The following CSMD2 variants were observed in gnomAD, a reference collection of about 807,000 sequenced individuals.
CSMD2 encodes CUB and sushi domain-containing protein 2.
In CSMD2, 130 loss-of-function variants were observed where a neutral mutation model predicts 398.5. The observed-to-expected ratio is 0.33, with a 90% CI of 0.28 to 0.38. CSMD2 has a LOEUF of 0.38. Ranked by LOEUF, CSMD2 falls within the 10% of genes least tolerant of loss-of-function variation. The pLI is 1.00. For missense variants in CSMD2, 3,829 were observed against 4,764.9 expected (o/e 0.80, Z 5.78); for synonymous variants, 1,828 against 1,908.5 (o/e 0.96, Z 1.10).
intron 1 of CSMD2, among the ~76,000 whole-genome samples, chr1:34,108,461 A>G (rs1264617929): frequency 6.6e-6 from 1 of 152,176 alleles, no homozygotes; most frequent in Non-Finnish European, 1.5e-5. Context: ...GCTCTGATGC[A>G]GCTAGCCCAA....
intron 15 of CSMD2, among the ~76,000 whole-genome samples, chr1:33,736,474 G>A (rs1359582182): frequency 6.6e-6 from 1 of 150,866 alleles, no homozygotes; most frequent in Non-Finnish European, 1.5e-5. Flanking sequence ...GCAAGACTCC[G>A]TCTCAAAGAA....
intron 44 of CSMD2, chr1:33,600,650 G>A (rs920687743): frequency 3.0e-5 from 18 of 590,622 alleles, no homozygotes; most frequent in Non-Finnish European, 5.4e-5. Flanking sequence ...TGGCAGTGTG[G>A]AATAGGAGGA....
At chr1:33,618,045 AAAG>A (rs1299309900) in intron 37 of CSMD2, among the ~76,000 whole-genome samples, 1 of 87,392 alleles carries the variant, frequency 1.1e-5, no homozygotes, top group African/African-American at 4.3e-5. Flanking sequence ...GAGAGAGGGA[AAAG>A]AAGGTCAAGA....
At chr1:33,931,784 C>T (rs1351221632) in intron 4 of CSMD2, among the ~76,000 whole-genome samples, 3 of 152,188 alleles carry the variant, frequency 2.0e-5, no homozygotes, top group East Asian at 1.9e-4. Flanking sequence ...AACTAGACCC[C>T]GTCAGTGATG....
intron 6 of CSMD2, chr1:33,840,029 C>T (rs1336411114): frequency 6.6e-6 from 1 of 152,190 alleles, no homozygotes; most frequent in African/African-American, 2.4e-5. Flanking sequence ...TTGGATGCTG[C>T]TTCCGTGGAT....
intron 4 of CSMD2, among the ~76,000 whole-genome samples, chr1:33,919,598 A>C (rs1243162021): frequency 6.6e-6 from 1 of 152,216 alleles, no homozygotes; most frequent in Non-Finnish European, 1.5e-5. Flanking sequence ...TCCTATACCC[A>C]TTAACTGAGC....
intron 6 of CSMD2, among the ~76,000 whole-genome samples, chr1:33,845,921 C>A (rs1241239328): frequency 1.3e-5 from 2 of 152,204 alleles, no homozygotes; most frequent in African/African-American, 4.8e-5. Context: ...CCTTGGAGCC[C>A]AGGGCTTCAC....
chr1:33,588,970 T>C (rs1045281746), intron 44 of CSMD2, among the ~76,000 whole-genome samples: 3 of 152,186 alleles, frequency 2.0e-5, no homozygotes, highest in African/African-American at 7.2e-5. Context: ...CCAACTGTAG[T>C]TGGAATGCAG....
Position 33,826,482 on chromosome 1 carries a change from G to A in CSMD2, c.1034-708C>T, listed in dbSNP as rs372617680. 6.5e-4 allele frequency among the ~76,000 whole-genome samples: 99 copies of A among 152,298 alleles called. 1 individual carries two copies. Among genetic ancestry groups the A allele is most frequent in the African/African-American group, 2.3e-3 (97 of 41,552 alleles). On this transcript the variant is annotated intron_variant, in intron 6 of 70. Transcript: ENST00000373381. The stretch of plus-strand genomic sequence containing the variant: ...CCCAGGAGGATAAGAGACACATGGG[G>A]GAAGAGGGAATTAGCCAAGCCAAGC...
intron 10 of CSMD2, among the ~76,000 whole-genome samples, chr1:33,793,951 G>A (rs1004722267): frequency 6.6e-6 from 1 of 152,172 alleles, no homozygotes; most frequent in Non-Finnish European, 1.5e-5. Context: ...ATCTCTTTTT[G>A]TCTGTTTCAG....
intron 5 of CSMD2, among the ~76,000 whole-genome samples, chr1:33,893,727 CTG>C (rs1421442918): frequency 1.3e-5 from 2 of 152,224 alleles, no homozygotes; most frequent in Non-Finnish European, 2.9e-5. Flanking sequence ...TGACAGCAGA[CTG>C]TCTTGCATTC....
intron 3 of CSMD2, among the ~76,000 whole-genome samples, chr1:33,936,904 G>A (rs1478043722): frequency 6.6e-6 from 1 of 152,156 alleles, no homozygotes; most frequent in African/African-American, 2.4e-5. Flanking sequence ...AATCCACCTG[G>A]CAATGACTTA....
At chr1:33,790,809 C>CTATT (rs1366002129) in intron 11 of CSMD2, among the ~76,000 whole-genome samples, 8 of 117,584 alleles carry the variant, frequency 6.8e-5, no homozygotes, top group Non-Finnish European at 9.4e-5. Flanking sequence ...TAATATCTAT[C>CTATT]TATCTATCTA....
chr1:33,828,578 C>A (rs573519268), intron 6 of CSMD2, among the ~76,000 whole-genome samples: 1 of 152,266 alleles, frequency 6.6e-6, no homozygotes, highest in Non-Finnish European at 1.5e-5. Context: ...AGGCCATTCC[C>A]AGGGGCAAAG....
At chr1:33,605,211 C>T in intron 42 of CSMD2, 71 bp downstream of exon 42, 2 of 1,410,144 alleles carry the variant, frequency 1.4e-6, no homozygotes, top group Non-Finnish European at 2.0e-6. Flanking sequence ...GTAGGTGGAA[C>T]ATGGGATTGC....
At chr1:33,521,421 AC>A in intron 68 of CSMD2, 41 bp downstream of exon 68, 1 of 719,592 alleles carries the variant, frequency 1.4e-6, no homozygotes, top group Non-Finnish European at 2.6e-6. Flanking sequence ...TTTCTCTCCC[AC>A]CCACCCGGGC....
intron 3 of CSMD2, among the ~76,000 whole-genome samples, chr1:33,942,541 C>G (rs1010782139): frequency 6.6e-6 from 1 of 152,222 alleles, no homozygotes; most frequent in Admixed American, 6.5e-5. Context: ...AGAAGCCCTC[C>G]GCCATAAGCC....
At chr1:33,630,467 A>AT (rs1642403861) in intron 32 of CSMD2, among the ~76,000 whole-genome samples, 1 of 152,186 alleles carries the variant, frequency 6.6e-6, no homozygotes, top group Non-Finnish European at 1.5e-5. Flanking sequence ...TTTTCTTTGC[A>AT]TTTTACAGAG....
At chr1:34,055,456 G>A (rs2148239962) in intron 2 of CSMD2, among the ~76,000 whole-genome samples, 1 of 152,200 alleles carries the variant, frequency 6.6e-6, no homozygotes, top group East Asian at 1.9e-4. Flanking sequence ...CAAGACCCTG[G>A]TTGTTTTACC....
Sources: gnomAD v4.1 joint callset for allele counts (sites outside exome capture counted in the v4.1 genomes callset) on GRCh38, gnomAD v4.1.1 for gene constraint, MANE v1.5 for transcripts, NCBI Gene and HGNC (gene_info 2026-07-23, HGNC 2026-07-21) for gene names.